The following LPP variants were observed in gnomAD, a reference collection of about 807,000 sequenced individuals.
LPP encodes the protein LIM domain containing preferred translocation partner in lipoma.
Under a neutral mutation model 60.4 loss-of-function variants are expected in LPP, and 38 were observed. The ratio of observed to expected loss-of-function variants is 0.63; its 90% CI spans 0.49 to 0.83. The LOEUF (loss-of-function observed/expected upper bound fraction) is 0.83. LPP is among the 40% of genes least tolerant of loss of function. The pLI, the probability that LPP is intolerant of heterozygous loss-of-function variation, is 0.00. For missense variants in LPP, 902 were observed against 783.6 expected, an observed-to-expected ratio of 1.15 and a Z score of -1.80; for synonymous variants, 328 against 290.8, an observed-to-expected ratio of 1.13 and a Z score of -1.30.
At chr3:188,223,493 A>G (rs1204457721) in intron 1 of LPP, among the ~76,000 whole-genome samples, 2 of 152,218 alleles carry the variant, frequency 1.3e-5, no homozygotes, top group Non-Finnish European at 2.9e-5. Flanking sequence ...ATCATTTCAC[A>G]GTGGTTCTTT....
At chr3:188,483,650 G>A (rs1054562393) in intron 4 of LPP, among the ~76,000 whole-genome samples, 13 of 152,258 alleles carry the variant, frequency 8.5e-5, no homozygotes, top group African/African-American at 2.6e-4. Flanking sequence ...AGATCACAGA[G>A]ATCAGGTTCA....
At chr3:188,219,688 T>C (rs1426769797) in intron 1 of LPP, among the ~76,000 whole-genome samples, 1 of 152,196 alleles carries the variant, frequency 6.6e-6, no homozygotes, top group African/African-American at 2.4e-5. Context: ...GGACCTGTCA[T>C]AAATGGACAC....
chr3:188,407,830 G>C (rs1164327563), intron 4 of LPP, among the ~76,000 whole-genome samples: 7 of 98,696 alleles, frequency 7.1e-5, no homozygotes, highest in Non-Finnish European at 1.3e-4. Context: ...CACTCTTGTT[G>C]CCCAGGCTGG....
Position 188,445,028 on chromosome 3 carries a change from C to T in LPP, c.193+38715C>T, listed in dbSNP as rs144833942. The stretch of plus-strand genomic sequence containing the variant: ...ATGTGGAGAAATAAGAATGCTTTTA[C>T]ACTGTTGGTGGGAGTGTAAATTAGT... On this transcript the variant is annotated intron_variant, in intron 4 of 11. Transcript: ENST00000617246. 7.7e-3 allele frequency among the ~76,000 whole-genome samples: 1,173 copies of T among 152,322 alleles called. 17 individuals carry two copies. Among genetic ancestry groups the T allele is most frequent in the African/African-American group, 0.027 (1,133 of 41,562 alleles).
chr3:188,568,517 C>A (rs1468469553), intron 6 of LPP: 2 of 151,918 alleles, frequency 1.3e-5, no homozygotes, highest in African/African-American at 4.8e-5. Context: ...GAGCCTGTCA[C>A]AAAATGTGTA....
chr3:188,500,739 C>T (rs1335271753), intron 5 of LPP, among the ~76,000 whole-genome samples: 2 of 152,146 alleles, frequency 1.3e-5, no homozygotes, highest in African/African-American at 4.8e-5. Context: ...GTATTCATAG[C>T]ATATTCAGAT....
At chr3:188,391,646 A>G (rs1779721394) in intron 3 of LPP, among the ~76,000 whole-genome samples, 1 of 152,042 alleles carries the variant, frequency 6.6e-6, no homozygotes. Flanking sequence ...AAATTATTCC[A>G]TTTTCTACAA....
chr3:188,744,884 G>A (rs565821416), intron 8 of LPP, among the ~76,000 whole-genome samples: 5 of 152,010 alleles, frequency 3.3e-5, no homozygotes, highest in South Asian at 2.1e-4. Flanking sequence ...ACTCCAGTCC[G>A]ATTTTCCTCC....
intron 7 of LPP, among the ~76,000 whole-genome samples, chr3:188,692,284 C>T (rs747521522): frequency 6.6e-6 from 1 of 152,120 alleles, no homozygotes; most frequent in Admixed American, 6.5e-5. Flanking sequence ...CCCTCACCTT[C>T]GAGACATCAC....
intron 4 of LPP, among the ~76,000 whole-genome samples, chr3:188,419,212 C>T (rs1787136627): frequency 6.6e-6 from 1 of 152,176 alleles, no homozygotes; most frequent in African/African-American, 2.4e-5. Context: ...GTCCTATTCA[C>T]TTCCATCTTG....
chr3:188,777,433 G>A (rs1738180622), intron 9 of LPP, among the ~76,000 whole-genome samples: 1 of 152,102 alleles, frequency 6.6e-6, no homozygotes, highest in South Asian at 2.1e-4. Context: ...AATTGCAAAA[G>A]AGAGAATCAT....
chr3:188,418,603 C>G (rs550059608), intron 4 of LPP, among the ~76,000 whole-genome samples: 1 of 152,186 alleles, frequency 6.6e-6, no homozygotes, highest in South Asian at 2.1e-4. Flanking sequence ...AATAATTTTT[C>G]CATCATTATT....
At chr3:188,243,926 A>C (rs55995430) in intron 2 of LPP, among the ~76,000 whole-genome samples, 9,162 of 151,664 alleles carry the variant, frequency 0.06, 520 homozygotes, top group African/African-American at 0.15. Context: ...CGCAGGCTGG[A>C]GAGTAGAGGC....
At position 188,498,824 on chromosome 3, in the gene LPP, G is replaced by A. The variant is rs930370170; in HGVS notation, c.306+14120G>A. On this transcript the variant is annotated intron_variant, in intron 5 of 11. Transcript: ENST00000617246. ...CACGTCCTTGCCGACACTGTTTTTT[G>A]TCTCGATAATAGCCATCCTAATGGG... Among the ~76,000 whole-genome samples the A allele has an allele frequency of 5.8e-4, 88 of 152,040 alleles. 1 individual carries two copies. Among genetic ancestry groups the A allele is most frequent in the African/African-American group, 2.0e-3 (82 of 41,404 alleles).
At chr3:188,413,748 T>G (rs1785456873) in intron 4 of LPP, among the ~76,000 whole-genome samples, 1 of 152,168 alleles carries the variant, frequency 6.6e-6, no homozygotes, top group African/African-American at 2.4e-5. Flanking sequence ...TAGGCCTTAT[T>G]GATGCTCAAA....
In LPP at chr3:188,248,495, T is replaced by TATATATATACATATAC. The variant is rs1358563921; in HGVS notation, c.-67+22971_-67+22972insTATATACATATACATA. Reference sequence around the variant, plus strand: ...ATATATATATATATATATATATATATATACAGTCAGCAGAGCTTGTTTTGG... The same window carrying TATATATATACATATAC: ...ATATATATATATATATATATATATATATATATATACATATACATACAGTCAGCAGAGCTTGTTTTGG... On this transcript the variant is annotated intron_variant, in intron 2 of 11. Coordinates refer to ENST00000617246, the MANE Select transcript of LPP (RefSeq NM_001375462.1). Among the ~76,000 whole-genome samples the TATATATATACATATAC allele has an allele frequency of 1.0e-4, 14 of 138,614 alleles. 1 individual carries two copies. Among genetic ancestry groups the TATATATATACATATAC allele is most frequent in the African/African-American group, 4.0e-4 (14 of 34,886 alleles). The allele number at this position is 138,614 out of a possible 152,430, so 90.9% of individuals were successfully genotyped here.
chr3:188,826,035 T>C (rs993623614), intron 9 of LPP, among the ~76,000 whole-genome samples: 6 of 152,088 alleles, frequency 3.9e-5, no homozygotes, highest in African/African-American at 1.4e-4. Flanking sequence ...CACCCTGCCC[T>C]CCCATGGGTC....
chr3:188,241,277 G>A (rs1724680837), intron 2 of LPP, among the ~76,000 whole-genome samples: 1 of 152,180 alleles, frequency 6.6e-6, no homozygotes, highest in Non-Finnish European at 1.5e-5. Flanking sequence ...CATGCTGTAC[G>A]TTTCTCCAGC....
intron 7 of LPP, among the ~76,000 whole-genome samples, chr3:188,691,414 T>C (rs1015933295): frequency 1.3e-5 from 2 of 152,308 alleles, no homozygotes; most frequent in Admixed American, 6.5e-5. Flanking sequence ...CTAATCAAGA[T>C]GCAGGGTGGA....
Sources: gnomAD v4.1 joint callset for allele counts (sites outside exome capture counted in the v4.1 genomes callset) on GRCh38, gnomAD v4.1.1 for gene constraint, MANE v1.5 for transcripts, NCBI Gene and HGNC (gene_info 2026-07-23, HGNC 2026-07-21) for gene names.